Variants in VWA3B observed in about 807,000 individuals in gnomAD.
The protein encoded by VWA3B is von Willebrand factor A domain-containing protein 3B.
In VWA3B, 138 loss-of-function variants were observed where a neutral mutation model predicts 158.3. That is an observed-to-expected ratio of 0.87 (90% CI 0.76 to 1.00). VWA3B has a LOEUF of 1.00. Among genes scored for constraint, VWA3B ranks in the 50% least tolerant of loss-of-function variants. The probability of loss-of-function intolerance (pLI) is 0.00; values close to 1 mark genes in which losing one functional copy is unlikely to be tolerated. For missense variants in VWA3B, 1,555 were observed against 1,565.1 expected (o/e 0.99, Z 0.11); for synonymous variants, 596 against 587.3 (o/e 1.01, Z -0.21).
intron 4 of VWA3B, 46 bp from the exon 5 acceptor site, chr2:98,121,253 T>G (rs1263093042): frequency 3.1e-6 from 5 of 1,593,200 alleles, no homozygotes; most frequent in Non-Finnish European, 4.3e-6. Context: ...GGCATCCCAG[T>G]AGCACTGATC....
At chr2:98,300,515 G>A (rs557221446) in intron 25 of VWA3B, among the ~76,000 whole-genome samples, 11 of 152,212 alleles carry the variant, frequency 7.2e-5, no homozygotes, top group African/African-American at 1.7e-4. Context: ...CTGGCTCTCC[G>A]TCTTCCTCAT....
intron 8 of VWA3B, chr2:98,179,417 T>C (rs1680285723): frequency 4.4e-6 from 2 of 457,190 alleles, no homozygotes; most frequent in African/African-American, 4.0e-5. Flanking sequence ...TTGTGGTTAT[T>C]CTTTTCCCTG....
chr2:98,326,954 G>A, the VWA3B span, among the ~76,000 whole-genome samples: 2 of 151,394 alleles, frequency 1.3e-5, no homozygotes, highest in Non-Finnish European at 2.9e-5. Context: ...TCTGACCTCT[G>A]GAAATGCAAG....
At chr2:98,202,257 G>A (rs1043294427) in intron 12 of VWA3B, among the ~76,000 whole-genome samples, 2 of 152,126 alleles carry the variant, frequency 1.3e-5, no homozygotes, top group African/African-American at 2.4e-5. Context: ...TTAGAAGGAA[G>A]CAGCCCATTT....
intron 2 of VWA3B, among the ~76,000 whole-genome samples, chr2:98,113,616 A>G (rs780628597): frequency 2.0e-5 from 3 of 152,194 alleles, no homozygotes; most frequent in African/African-American, 7.2e-5. Context: ...TGGTTTTACT[A>G]TATTCACAGA....
intron 15 of VWA3B, 120 bp downstream of exon 15, chr2:98,228,452 G>A (rs1236586768): frequency 7.4e-6 from 9 of 1,221,908 alleles, no homozygotes; most frequent in South Asian, 3.7e-5. Flanking sequence ...AAAGAATCAC[G>A]TAGTGTGATT....
At chr2:98,293,782 A>G (rs1017323679) in intron 23 of VWA3B, among the ~76,000 whole-genome samples, 1 of 152,198 alleles carries the variant, frequency 6.6e-6, no homozygotes, top group African/African-American at 2.4e-5. Flanking sequence ...CAAAAAACGT[A>G]ACACTATTAT....
At chr2:98,313,341 G>A (rs1691014852), downstream of VWA3B, 1 of 152,080 alleles carries the variant, frequency 6.6e-6, no homozygotes, top group Non-Finnish European at 1.5e-5. Context: ...ATAATGCAGT[G>A]AGGAAGGAAC....
chr2:98,301,280 A>C (rs1218268194), intron 25 of VWA3B, among the ~76,000 whole-genome samples: 2 of 151,734 alleles, frequency 1.3e-5, no homozygotes, highest in Non-Finnish European at 2.9e-5. Context: ...ACACAGCAAG[A>C]CTGTCTCAAA....
intron 7 of VWA3B, among the ~76,000 whole-genome samples, chr2:98,140,517 A>T (rs981916487): frequency 6.6e-5 from 10 of 152,242 alleles, no homozygotes; most frequent in African/African-American, 1.9e-4. Context: ...GGGGCACTGA[A>T]TGGGGGAGGT....
At chr2:98,254,768 G>A (rs754012085) in intron 20 of VWA3B, among the ~76,000 whole-genome samples, 1 of 152,182 alleles carries the variant, frequency 6.6e-6, no homozygotes, top group Non-Finnish European at 1.5e-5. Context: ...AGAAGAAGCC[G>A]ACTGAGCTTT....
At chr2:98,092,375 T>G (rs532113685) in intron 1 of VWA3B, among the ~76,000 whole-genome samples, 11 of 152,372 alleles carry the variant, frequency 7.2e-5, no homozygotes, top group African/African-American at 2.6e-4. Context: ...CTGGGCGCAG[T>G]GGCTCACGCC....
Position 98,217,967 on chromosome 2 carries a change from G to T in VWA3B, c.1958G>T (p.Gly653Val), listed in dbSNP as rs374106102. The T allele has an allele frequency of 1.5e-5, 24 of 1,613,352 alleles. No homozygotes were observed. Among genetic ancestry groups the T allele is most frequent in the Non-Finnish European group, 1.9e-5 (23 of 1,179,746 alleles). The change falls in exon 14 of 28, where the codon GGA (glycine) becomes GTA (valine). Residue 653 changes from glycine to valine, a missense_variant. Physicochemically the swap from Gly to Val is moderately radical, Grantham distance 109. Coordinates refer to ENST00000477737, the MANE Select transcript of VWA3B (RefSeq NM_144992.5). ...TTGAAAGAGGTTGCTGCTTTGACTG[G>T]AGGAGAGTTCCATTTTTATAATTTT... is the stretch of plus-strand genomic sequence containing the variant. ...RFLKEVAALT[G>V]GEFHFYNFGC... is the part of the protein sequence containing the mutation.
At position 98,221,406 on chromosome 2, in the gene VWA3B, G is replaced by GA. The variant is rs1048435829; in HGVS notation, c.2019+3384dup. ...TGTCCTGCTCCAGTCATATACCATG[G>GA]AAAAAACTGCATCCCCTCCCCTGGG... On this transcript the variant is annotated intron_variant, in intron 14 of 27. Coordinates refer to ENST00000477737, the MANE Select transcript of VWA3B (RefSeq NM_144992.5). Among the ~76,000 whole-genome samples, 9 of 152,214 alleles carry GA rather than the reference G, an allele frequency of 5.9e-5. No homozygotes were observed. In the South Asian group the frequency reaches 1.0e-3, roughly 18 times the overall value.
chr2:98,137,943 T>C (rs1676412739), intron 7 of VWA3B, among the ~76,000 whole-genome samples: 1 of 152,242 alleles, frequency 6.6e-6, no homozygotes, highest in Non-Finnish European at 1.5e-5. Flanking sequence ...CTAGTATTTT[T>C]TCAACTACTT....
chr2:98,221,250 C>T (rs1442986450), intron 14 of VWA3B, among the ~76,000 whole-genome samples: 1 of 152,204 alleles, frequency 6.6e-6, no homozygotes, highest in Non-Finnish European at 1.5e-5. Context: ...GCAGAAGCCT[C>T]TCCAACCTGG....
At position 98,236,316 on chromosome 2, in the gene VWA3B, A is replaced by G. The variant is rs573756830; in HGVS notation, c.2429-74A>G. 65 of 1,491,698 alleles carry G rather than the reference A, an allele frequency of 4.4e-5. No individual in the cohort carries two copies. In the African/African-American group the frequency reaches 6.3e-4, roughly 15 times the overall value. The allele number at this position is 1,491,698 out of a possible 1,614,324, so 92.4% of individuals were successfully genotyped here. A position where few individuals can be genotyped will look rare whatever the true frequency, so the allele number is the denominator to read the frequency against. Reference sequence around the variant, plus strand: ...TCTCAGTCACAGCTGGACTGAGACAAGCGTGATCCCTTTGCATTTTATGTA... The same window carrying G: ...TCTCAGTCACAGCTGGACTGAGACAGGCGTGATCCCTTTGCATTTTATGTA... On this transcript the variant is annotated intron_variant, in intron 17 of 27. Transcript: ENST00000477737.
chr2:98,187,027 G>A (rs1681130684), intron 9 of VWA3B, among the ~76,000 whole-genome samples: 1 of 152,004 alleles, frequency 6.6e-6, no homozygotes, highest in South Asian at 2.1e-4. Context: ...AGCATGCCAG[G>A]TGGACTCCCA....
rs549934885 is a variant in VWA3B, at chr2:98,118,449, T to C, written c.292-1064T>C. Among the ~76,000 whole-genome samples, 18 of 152,316 alleles carry C rather than the reference T, an allele frequency of 1.2e-4. No homozygotes were observed. The South Asian group carries it at 3.7e-3, about 32-fold the overall frequency. On this transcript the variant is annotated intron_variant, in intron 3 of 27. Transcript: ENST00000477737. ...TAAAGTACCGTATCTTCTTTTAAAA[T>C]GTGCTCTAAGAATCCCTAAGCCTAG...
Sources: gnomAD v4.1 joint callset for allele counts (sites outside exome capture counted in the v4.1 genomes callset) on GRCh38, gnomAD v4.1.1 for gene constraint, MANE v1.5 for transcripts, NCBI Gene and HGNC (gene_info 2026-07-23, HGNC 2026-07-21) for gene names.